The following ABL1 variants were observed in gnomAD, a reference collection of about 807,000 sequenced individuals.
ABL1 encodes tyrosine-protein kinase ABL1.
Under a neutral mutation model 94.7 loss-of-function variants are expected in ABL1, and 11 were observed. The observed-to-expected ratio is 0.12, with a 90% confidence interval of 0.07 to 0.19. The LOEUF (loss-of-function observed/expected upper bound fraction) is 0.19, where lower values mean the gene tolerates loss of function less well. ABL1 is among the 10% of genes least tolerant of loss of function. The pLI, the probability that ABL1 is intolerant of heterozygous loss-of-function variation, is 1.00. For synonymous variants in ABL1, 656 were observed against 622.4 expected (o/e 1.05, Z -0.80); for missense variants, 1,082 against 1,489.4 (o/e 0.73, Z 4.50).
chr9:130,774,494 A>G (rs1409884903), intron 1 of ABL1, among the ~76,000 whole-genome samples: 2 of 152,108 alleles, frequency 1.3e-5, no homozygotes, highest in Non-Finnish European at 2.9e-5. Flanking sequence ...GAGCAAAATG[A>G]TAGACTAGAA....
At chr9:130,811,589 A>G (rs777693177) in intron 1 of ABL1, among the ~76,000 whole-genome samples, 1 of 152,158 alleles carries the variant, frequency 6.6e-6, no homozygotes, top group African/African-American at 2.4e-5. Context: ...TTAAAGATGC[A>G]TATGATAAAA....
chr9:130,773,888 T>C (rs770178729), intron 1 of ABL1, among the ~76,000 whole-genome samples: 8 of 152,152 alleles, frequency 5.3e-5, no homozygotes, highest in Non-Finnish European at 1.0e-4. Context: ...TCACCACAAT[T>C]AAGATAGTGA....
chr9:130,724,640 TCTTTA>T (rs1831555657), intron 1 of ABL1: 3 of 257,226 alleles, frequency 1.2e-5, no homozygotes, highest in African/African-American at 6.8e-5. Context: ...TGAAAACCCA[TCTTTA>T]CTTAAAAATT....
chr9:130,739,546 A>G (rs1381046348), intron 1 of ABL1, among the ~76,000 whole-genome samples: 10 of 152,220 alleles, frequency 6.6e-5, no homozygotes, highest in African/African-American at 1.7e-4. Flanking sequence ...TTGAAATTCA[A>G]TCAGCATGAT....
intron 1 of ABL1, among the ~76,000 whole-genome samples, chr9:130,807,355 T>G (rs1830139610): frequency 6.6e-6 from 1 of 151,618 alleles, no homozygotes; most frequent in African/African-American, 2.4e-5. Context: ...TTCAAGAGAT[T>G]CTCATGCCTC....
intron 1 of ABL1, among the ~76,000 whole-genome samples, chr9:130,750,211 A>G (rs1564278617): frequency 2.3e-5 from 2 of 85,320 alleles, no homozygotes; most frequent in African/African-American, 9.2e-5. Flanking sequence ...ATATATATAT[A>G]TATATATATA....
At chr9:130,760,396 A>C (rs1047905943) in intron 1 of ABL1, among the ~76,000 whole-genome samples, 2 of 152,216 alleles carry the variant, frequency 1.3e-5, no homozygotes, top group African/African-American at 2.4e-5. Context: ...GATTGAAACA[A>C]GAAATCTGTT....
At chr9:130,822,898 A>G (rs1444783995) in intron 1 of ABL1, among the ~76,000 whole-genome samples, 1 of 152,022 alleles carries the variant, frequency 6.6e-6, no homozygotes, top group Non-Finnish European at 1.5e-5. Context: ...CCTGGGTTCA[A>G]GCGATTCTTC....
chr9:130,801,768 A>T (rs567715527), intron 1 of ABL1, among the ~76,000 whole-genome samples: 2 of 152,260 alleles, frequency 1.3e-5, no homozygotes, highest in South Asian at 4.2e-4. Context: ...TCAGCCCTTC[A>T]TTGGGTCCTT....
At chr9:130,830,874 TGA>T (rs1162035867), upstream of ABL1, among the ~76,000 whole-genome samples, 1 of 152,170 alleles carries the variant, frequency 6.6e-6, no homozygotes, top group Non-Finnish European at 1.5e-5. Flanking sequence ...GTGGCAGATC[TGA>T]GACTCAGCGC....
chr9:130,753,832 G>A (rs1291110575), intron 1 of ABL1, among the ~76,000 whole-genome samples: 1 of 152,204 alleles, frequency 6.6e-6, no homozygotes, highest in East Asian at 1.9e-4. Flanking sequence ...ATGCATGAAT[G>A]AATAATGAGT....
At chr9:130,727,500 C>G (rs1308848702) in intron 1 of ABL1, among the ~76,000 whole-genome samples, 2 of 152,078 alleles carry the variant, frequency 1.3e-5, no homozygotes, top group Non-Finnish European at 2.9e-5. Flanking sequence ...TGGTGGCACA[C>G]GCCTGTAATC....
In ABL1 at chr9:130,862,512, A is replaced by G. The variant is rs1259804483; in HGVS notation, c.550-251A>G. Among the ~76,000 whole-genome samples the G allele has an allele frequency of 6.6e-6, 1 of 152,208 alleles. No individual in the cohort carries two copies. The highest frequency in any genetic ancestry group is 6.5e-5 in the Admixed American group (1 of 15,272). Reference sequence around the variant, plus strand: ...GGAAGATGAGGGAGTGGGAGATTTCAGGCAGAGGGAGCAGCAGCAGGTACA... The same window carrying G: ...GGAAGATGAGGGAGTGGGAGATTTCGGGCAGAGGGAGCAGCAGCAGGTACA... On this transcript the variant is annotated intron_variant, in intron 3 of 10. Transcript: ENST00000318560. This position sits in a 1 kb window ranked among gnomAD's most constrained non-coding sequence, Gnocchi z 5.5.
chr9:130,739,833 A>C (rs913984462), intron 1 of ABL1, among the ~76,000 whole-genome samples: 1 of 152,162 alleles, frequency 6.6e-6, no homozygotes. Flanking sequence ...AGATTACTTG[A>C]GCTCAGGAGT....
intron 1 of ABL1, among the ~76,000 whole-genome samples, chr9:130,768,197 G>A (rs187239097): frequency 1.1e-4 from 16 of 152,214 alleles, no homozygotes; most frequent in African/African-American, 3.9e-4. Context: ...ATTAGAGCTT[G>A]CAGCCTCTGC....
intron 1 of ABL1, among the ~76,000 whole-genome samples, chr9:130,745,684 G>T (rs2132719166): frequency 6.6e-6 from 1 of 151,988 alleles, no homozygotes; most frequent in South Asian, 2.1e-4. Context: ...CTCAGCTCTA[G>T]TTCTTTGAAA....
At chr9:130,714,329 C>A in exon 1 of ABL1, 1 of 1,607,616 alleles carries the variant, frequency 6.2e-7, no homozygotes, top group Admixed American at 1.7e-5. Context: ...TATGGGGCAG[C>A]AGCCTGGAAA....
chr9:130,844,364 T>C (rs1366899714), intron 1 of ABL1, among the ~76,000 whole-genome samples: 6 of 152,176 alleles, frequency 3.9e-5, no homozygotes, highest in Non-Finnish European at 8.8e-5. Flanking sequence ...TCAGTCCTGA[T>C]ATGGGCGTCA....
intron 1 of ABL1, among the ~76,000 whole-genome samples, chr9:130,787,664 G>C (rs1018745624): frequency 1.3e-5 from 2 of 152,200 alleles, no homozygotes; most frequent in African/African-American, 4.8e-5. Flanking sequence ...TCTGCTCCCA[G>C]TCGTCGTCAC....
Sources: gnomAD v4.1 joint callset for allele counts (sites outside exome capture counted in the v4.1 genomes callset) on GRCh38, gnomAD v4.1.1 for gene constraint, Gnocchi (gnomAD v3.1) non-coding constraint, MANE v1.5 for transcripts, NCBI Gene and HGNC (gene_info 2026-07-23, HGNC 2026-07-21) for gene names.